PFKFB3: variants seen among roughly 807,000 people sequenced by gnomAD.
The protein encoded by PFKFB3 is 6-phosphofructo-2-kinase/fructose-2,6-biphosphatase 3.
A neutral mutation model predicts 68.0 loss-of-function variants in PFKFB3; 33 were observed. The ratio of observed to expected loss-of-function variants is 0.49; its 90% confidence interval spans 0.37 to 0.65. PFKFB3 has a LOEUF of 0.65. PFKFB3 is among the 30% of genes least tolerant of loss of function. The pLI, the probability that PFKFB3 is intolerant of heterozygous loss-of-function variation, is 0.00. For missense variants in PFKFB3, 586 were observed against 712.2 expected (o/e 0.82, Z 2.02); for synonymous variants, 315 against 288.2 (o/e 1.09, Z -0.94).
the PFKFB3 span, among the ~76,000 whole-genome samples, chr10:6,262,379 T>G: frequency 1.8e-4 from 12 of 68,404 alleles, no homozygotes; most frequent in East Asian, 1.5e-3. Flanking sequence ...GCGTGAACCC[T>G]GGGGGGCGGA....
chr10:6,183,538 C>T (rs2078665490), intron 1 of PFKFB3, among the ~76,000 whole-genome samples: 1 of 149,684 alleles, frequency 6.7e-6, no homozygotes, highest in Admixed American at 6.7e-5. Context: ...CCTGTAATCC[C>T]AGCACTTTGG....
chr10:6,235,658 G>C (rs947782571), downstream of PFKFB3: 1 of 152,224 alleles, frequency 6.6e-6, no homozygotes, highest in Non-Finnish European at 1.5e-5. Context: ...GGATGTTCAA[G>C]TACAGAGTGT....
the PFKFB3 span, among the ~76,000 whole-genome samples, chr10:6,314,585 C>G: frequency 6.6e-6 from 1 of 152,212 alleles, no homozygotes. Context: ...ATGATGACTT[C>G]TTCAACCCCC....
the PFKFB3 span, among the ~76,000 whole-genome samples, chr10:6,262,522 T>C: frequency 1.3e-5 from 2 of 151,408 alleles, no homozygotes; most frequent in Admixed American, 6.6e-5. Flanking sequence ...TTATCAACTA[T>C]TCCCTTTATG....
chr10:6,229,028 T>TCATC lies in PFKFB3; in HGVS notation c.1515+2665_1515+2668dup. 2.1e-6 allele frequency: 1 copy of TCATC among 474,968 alleles called. No homozygotes were observed. The highest frequency in any genetic ancestry group is 4.4e-6 in the Non-Finnish European group (1 of 228,748). 29.4% of individuals were successfully genotyped at this position (474,968 alleles called of 1,614,324 possible). A position where few individuals can be genotyped will look rare whatever the true frequency, so the allele number is the denominator to read the frequency against. The stretch of plus-strand genomic sequence containing the variant: ...ACTTTAATGACAGCCACATGAAGTG[T>TCATC]CATCCCCTTGCCCCCCCAAAAACAC... On this transcript the variant is annotated intron_variant, in intron 14 of 14. Coordinates refer to ENST00000379775, the MANE Select transcript of PFKFB3 (RefSeq NM_004566.4). This position sits in a 1 kb window ranked among gnomAD's most constrained non-coding sequence, Gnocchi z 4.3.
the PFKFB3 span, among the ~76,000 whole-genome samples, chr10:6,310,356 T>C: frequency 1.3e-5 from 2 of 152,142 alleles, no homozygotes; most frequent in Non-Finnish European, 2.9e-5. Context: ...GCAGGTTTTA[T>C]CTCAGCCAAG....
the PFKFB3 span, among the ~76,000 whole-genome samples, chr10:6,269,604 G>C: frequency 2.0e-5 from 3 of 152,168 alleles, no homozygotes; most frequent in Non-Finnish European, 4.4e-5. Context: ...GTTGCAGTTA[G>C]GAAAGTGGAA....
At chr10:6,177,606 A>G (rs1377111283) in intron 1 of PFKFB3, among the ~76,000 whole-genome samples, 1 of 145,300 alleles carries the variant, frequency 6.9e-6, no homozygotes, top group East Asian at 2.0e-4. Flanking sequence ...GCTCACTACA[A>G]CCTCTGCCTC....
rs1441433241 is a variant in PFKFB3, at chr10:6,231,327, G to C, written c.1516-1568G>C. 1.9e-6 allele frequency: 3 copies of C among 1,612,312 alleles called. No homozygotes were observed. The South Asian group carries it at 3.3e-5, about 18-fold the overall frequency. ...CTAACTGTGGAAGGTAAATGCCTGG[G>C]TGCATGTCCCTCTGTCCCGCACCGC... On this transcript the variant is annotated intron_variant, in intron 14 of 14. Coordinates refer to ENST00000379775, the MANE Select transcript of PFKFB3 (RefSeq NM_004566.4).
intron 1 of PFKFB3, among the ~76,000 whole-genome samples, chr10:6,206,570 CCGGG>C (rs1843723744): frequency 1.7e-5 from 1 of 57,902 alleles, no homozygotes; most frequent in Non-Finnish European, 3.4e-5. Context: ...GGGCGGCTGG[CCGGG>C]CAGGGGCTGA....
At chr10:6,246,522 A>G (rs1846264556) in intron 14 of PFKFB3, among the ~76,000 whole-genome samples, 1 of 151,654 alleles carries the variant, frequency 6.6e-6, no homozygotes, top group Non-Finnish European at 1.5e-5. Context: ...AAAAATTTTT[A>G]GTAGAGATGG....
At position 6,183,788 on chromosome 10, in the gene PFKFB3, C is replaced by T. The variant is rs985614199; in HGVS notation, c.17-29835C>T. On this transcript the variant is annotated intron_variant, in intron 1 of 14. Coordinates refer to the PFKFB3 transcript ENST00000379789. ...CTGCAAGCTCTGCCTCCCGGGTTCACGCCATTCTCCTGCCTCAGCCTCCCA... is the reference window on the plus strand; with the variant it reads ...CTGCAAGCTCTGCCTCCCGGGTTCATGCCATTCTCCTGCCTCAGCCTCCCA... 5.4e-5 allele frequency among the ~76,000 whole-genome samples: 8 copies of T among 148,470 alleles called. No homozygotes were observed. The East Asian group carries it at 1.4e-3, about 26-fold the overall frequency.
the PFKFB3 span, among the ~76,000 whole-genome samples, chr10:6,275,855 A>G: frequency 6.6e-6 from 1 of 151,986 alleles, no homozygotes; most frequent in African/African-American, 2.4e-5. This position sits in a 1 kb window ranked among gnomAD's most constrained non-coding sequence, Gnocchi z 4.9. Context: ...TAAGGGGTAT[A>G]TGGCTCTTCA....
intron 13 of PFKFB3, among the ~76,000 whole-genome samples, chr10:6,224,913 T>C (rs10906032): frequency 0.42 from 63,759 of 150,672 alleles, 14,084 homozygotes; most frequent in East Asian, 0.69. Flanking sequence ...CGCCATGTGC[T>C]TGTGATTAGG....
rs199594802 is a variant in PFKFB3 at position 6,223,992 on chromosome 10, C to G, written c.1248C>G (p.Thr416=). 6.2e-7 allele frequency: 1 copy of G among 1,614,196 alleles called. No homozygotes were observed. Among genetic ancestry groups the G allele is most frequent in the East Asian group, 2.2e-5 (1 of 44,882 alleles). The change falls in exon 12 of 15, where the codon ACC becomes ACG. Residue 416 remains threonine, a synonymous_variant. Coordinates refer to ENST00000379775, the MANE Select transcript of PFKFB3 (RefSeq NM_004566.4). ...EMPYLKCPLH[T]VLKLTPVAYG... ...CCTACCTGAAATGCCCTCTTCACACCGTCCTGAAACTGACGCCTGTCGCTT... is the reference window on the plus strand; with the variant it reads ...CCTACCTGAAATGCCCTCTTCACACGGTCCTGAAACTGACGCCTGTCGCTT...
the PFKFB3 span, chr10:6,293,243 T>C: frequency 8.7e-6 from 4 of 458,672 alleles, no homozygotes; most frequent in African/African-American, 6.1e-5. Context: ...TTGAGAGTCC[T>C]TCAGTCCAGT....
the PFKFB3 span, among the ~76,000 whole-genome samples, chr10:6,319,795 AT>A: frequency 6.6e-6 from 1 of 152,306 alleles, no homozygotes; most frequent in Non-Finnish European, 1.5e-5. Context: ...TTCCTGATAC[AT>A]TCTATTATCT....
chr10:6,175,177 A>G (rs1209638546), intron 1 of PFKFB3, among the ~76,000 whole-genome samples: 2 of 152,062 alleles, frequency 1.3e-5, no homozygotes, highest in African/African-American at 4.8e-5. Flanking sequence ...CCTCAGTTTT[A>G]CCCCCTCTTT....
intron 1 of PFKFB3, among the ~76,000 whole-genome samples, chr10:6,163,068 G>A (rs910714275): frequency 2.6e-5 from 4 of 151,778 alleles, no homozygotes; most frequent in Admixed American, 2.0e-4. Flanking sequence ...TGCTTTCTGT[G>A]TTTTCCCCAG....
Sources: gnomAD v4.1 joint callset for allele counts (sites outside exome capture counted in the v4.1 genomes callset) on GRCh38, gnomAD v4.1.1 for gene constraint, Gnocchi (gnomAD v3.1) non-coding constraint, MANE v1.5 for transcripts, NCBI Gene and HGNC (gene_info 2026-07-23, HGNC 2026-07-21) for gene names.